FAM209A: variants seen among roughly 807,000 people sequenced by gnomAD.
FAM209A encodes family with sequence similarity 209 member A.
FAM209A carries 4 observed loss-of-function variants against 9.8 expected under a neutral mutation model. The observed-to-expected ratio is 0.41, with a 90% confidence interval of 0.20 to 0.94. FAM209A has a LOEUF of 0.94. Ranked by LOEUF, FAM209A falls within the 40% of genes least tolerant of loss-of-function variation. The pLI is 0.32. For missense variants in FAM209A, 205 were observed against 209.4 expected (o/e 0.98, Z 0.13); for synonymous variants, 55 against 77.8 (o/e 0.71, Z 1.54).
intron 1 of FAM209A, among the ~76,000 whole-genome samples, chr20:56,525,511 G>C (rs893612277): frequency 2.0e-5 from 3 of 152,186 alleles, no homozygotes; most frequent in African/African-American, 7.2e-5. Flanking sequence ...ATGTAAGGTA[G>C]TTTGAGCTGG....
rs1342374891 is a variant in FAM209A, at chr20:56,524,807, C to A, written c.-2C>A. The A allele has an allele frequency of 6.2e-7, 1 of 1,614,018 alleles. No homozygotes were observed. The highest frequency in any genetic ancestry group is 1.7e-5 in the Admixed American group (1 of 60,006). On this transcript the variant is annotated 5_prime_UTR_variant, in exon 1 of 2. Transcript: ENST00000371328. ...CAACTCCCTTCCCCATCTCTGCTCA[C>A]CATGTGGACGCTGAAATCGTCCCTG... is the stretch of plus-strand genomic sequence containing the variant.
At chr20:56,530,171 C>T (rs1985695617), downstream of FAM209A, among the ~76,000 whole-genome samples, 1 of 151,648 alleles carries the variant, frequency 6.6e-6, no homozygotes, top group Admixed American at 6.6e-5. Context: ...CACCCTCCCA[C>T]CCACTCATCC....
In FAM209A at chr20:56,525,915, G is replaced by T. The variant is rs767717803; in HGVS notation, c.361G>T (p.Val121Leu). 6 of 1,614,216 alleles carry T rather than the reference G, an allele frequency of 3.7e-6. No homozygotes were observed. The highest frequency in any genetic ancestry group is 4.2e-6 in the Non-Finnish European group (5 of 1,180,038). ...CAFNTLMELEVELMKFVSKVR... is the reference protein window; with the variant it reads ...CAFNTLMELELELMKFVSKVR... ...ATTCAATACCTTAATGGAACTCGAGGTGGAGCTTATGAAATTTGTGTCCAA... is the reference window on the plus strand; with the variant it reads ...ATTCAATACCTTAATGGAACTCGAGTTGGAGCTTATGAAATTTGTGTCCAA... The change falls in exon 2 of 2, where the codon GTG becomes TTG. Residue 121 changes from valine (V) to leucine (L), a missense_variant. By Grantham distance (32) the Val-to-Leu change is conservative (BLOSUM62 1). Coordinates refer to ENST00000371328, the MANE Select transcript of FAM209A (RefSeq NM_001012971.4).
Position 56,525,974 on chromosome 20 carries a change from T to C in FAM209A, c.420T>C (p.Gly140=), listed in dbSNP as rs1054359. 27 of 1,614,128 alleles carry C rather than the reference T, an allele frequency of 1.7e-5. No individual in the cohort carries two copies. The highest frequency in any genetic ancestry group is 1.6e-5 in the Non-Finnish European group (19 of 1,180,016). The part of the protein sequence containing the change: ...VRNLKRAMAT[G]SGSNLRLRKS... ...ATCTTAAACGTGCCATGGCAACAGG[T>C]AGTGGCAGTAACCTCAGGCTTCGAA... Residue 140 remains glycine (G), a synonymous_variant, in exon 2 of 2, where the codon GGT becomes GGC. Coordinates refer to ENST00000371328, the MANE Select transcript of FAM209A (RefSeq NM_001012971.4).
chr20:56,525,150 G>A (rs1985466299), intron 1 of FAM209A, 93 bp downstream of exon 1: 1 of 1,538,092 alleles, frequency 6.5e-7, no homozygotes, highest in Non-Finnish European at 8.8e-7. Context: ...CGGCACCGTT[G>A]GGTATAATGA....
the FAM209A span, chr20:56,533,449 G>A: frequency 6.2e-7 from 1 of 1,610,852 alleles, no homozygotes; most frequent in Non-Finnish European, 8.5e-7. Context: ...AGGGGAAGGT[G>A]CCGTGTGGAG....
the FAM209A span, chr20:56,533,113 C>A: frequency 7.2e-7 from 1 of 1,388,802 alleles, no homozygotes. Context: ...CGTGCCTATC[C>A]TCTCTCTCTG....
chr20:56,532,404 G>C, the FAM209A span, among the ~76,000 whole-genome samples: 1 of 151,876 alleles, frequency 6.6e-6, no homozygotes, highest in South Asian at 2.1e-4. Context: ...GGCTCTAGCA[G>C]AAGACTGGTT....
downstream of FAM209A, among the ~76,000 whole-genome samples, chr20:56,527,940 CTA>C (rs1456149771): frequency 6.6e-6 from 1 of 152,156 alleles, no homozygotes; most frequent in African/African-American, 2.4e-5. Flanking sequence ...AAACCCGTCT[CTA>C]TCAAAAATAC....
chr20:56,532,484 T>C, the FAM209A span, among the ~76,000 whole-genome samples: 6 of 27,328 alleles, frequency 2.2e-4, no homozygotes, highest in Admixed American at 5.4e-4. Context: ...CTTTTTCTTT[T>C]TTTTTTTTTT....
downstream of FAM209A, among the ~76,000 whole-genome samples, chr20:56,526,546 C>G (rs1985538112): frequency 6.6e-6 from 1 of 152,046 alleles, no homozygotes; most frequent in Non-Finnish European, 1.5e-5. Context: ...ATCTGATTCT[C>G]TCACCACAAG....
downstream of FAM209A, among the ~76,000 whole-genome samples, chr20:56,528,840 G>C (rs957648404): frequency 2.0e-5 from 3 of 152,162 alleles, no homozygotes; most frequent in Non-Finnish European, 4.4e-5. Flanking sequence ...GTTAATATGA[G>C]AGCATATTAA....
chr20:56,528,234 GA>G (rs1985619759), downstream of FAM209A, among the ~76,000 whole-genome samples: 2 of 152,036 alleles, frequency 1.3e-5, no homozygotes, highest in Non-Finnish European at 2.9e-5. Flanking sequence ...AGTGAGCCAT[GA>G]TTGCACCGTA....
downstream of FAM209A, among the ~76,000 whole-genome samples, chr20:56,530,578 G>A (rs1352290838): frequency 2.6e-5 from 4 of 152,012 alleles, no homozygotes; most frequent in African/African-American, 7.2e-5. Flanking sequence ...GCTCATTGCA[G>A]CCGCAACTCC....
downstream of FAM209A, chr20:56,526,213 G>A (rs562000637): frequency 2.5e-6 from 3 of 1,211,330 alleles, no homozygotes; most frequent in East Asian, 7.6e-5. Context: ...GTGAATGGGA[G>A]ACCAGTAGCC....
At chr20:56,531,826 A>G in the FAM209A span, among the ~76,000 whole-genome samples, 9 of 150,906 alleles carry the variant, frequency 6.0e-5, no homozygotes, top group African/African-American at 2.2e-4. Context: ...GGGTCTCGCT[A>G]TGTTAGCCAG....
chr20:56,532,842 C>T, the FAM209A span, among the ~76,000 whole-genome samples: 2 of 152,076 alleles, frequency 1.3e-5, no homozygotes. Context: ...ATACCCACCC[C>T]CCACAACATT....
chr20:56,530,864 G>C (rs1237132957), downstream of FAM209A, among the ~76,000 whole-genome samples: 1 of 152,028 alleles, frequency 6.6e-6, no homozygotes, highest in Non-Finnish European at 1.5e-5. Flanking sequence ...TTAAGGCACA[G>C]CGAGGGTGCC....
rs1985464355 is a variant in FAM209A, at chr20:56,525,113, G to A, written c.249+56G>A. 1.9e-6 allele frequency: 3 copies of A among 1,596,450 alleles called. No individual in the cohort carries two copies. The South Asian group carries it at 3.4e-5, about 18-fold the overall frequency. Reference sequence around the variant, plus strand: ...ATTGATTCAATCTCAGGAGTCTCAGGGAAACGGATGTTCTAGTGAGTCTAG... The same window carrying A: ...ATTGATTCAATCTCAGGAGTCTCAGAGAAACGGATGTTCTAGTGAGTCTAG... On this transcript the variant is annotated intron_variant, in intron 1 of 1. Transcript: ENST00000371328.
Sources: allele counts gnomAD v4.1 joint callset (sites outside exome capture counted in the v4.1 genomes callset), GRCh38; gene constraint gnomAD v4.1.1; transcripts MANE v1.5; gene names NCBI Gene and HGNC (gene_info 2026-07-23, HGNC 2026-07-21).